CFAP299: variants seen among roughly 807,000 people sequenced by gnomAD.
The protein encoded by CFAP299 is cilia and flagella associated protein 299, also known as cilia- and flagella-associated protein 299.
CFAP299 carries 21 observed loss-of-function variants against 27.0 expected under a neutral mutation model. The ratio of observed to expected loss-of-function variants is 0.78; its 90% CI spans 0.55 to 1.12. CFAP299 has a LOEUF of 1.12. CFAP299 is among the 50% of genes most tolerant of loss of function. CFAP299 has a pLI of 0.00. For missense variants in CFAP299, 310 were observed against 276.6 expected (o/e 1.12, Z -0.86); for synonymous variants, 104 against 98.1 (o/e 1.06, Z -0.36).
chr4:80,599,226 C>T (rs1428069081), intron 3 of CFAP299, among the ~76,000 whole-genome samples: 2 of 152,272 alleles, frequency 1.3e-5, no homozygotes, highest in East Asian at 1.9e-4. Context: ...CTAATCTCTA[C>T]GTCTGTCCTT....
chr4:80,440,676 C>G (rs950485776), intron 2 of CFAP299, among the ~76,000 whole-genome samples: 2 of 152,138 alleles, frequency 1.3e-5, no homozygotes, highest in African/African-American at 2.4e-5. Context: ...AACTCCTTGC[C>G]AGCAAGGGAA....
At chr4:80,666,966 T>A (rs1741170701) in intron 3 of CFAP299, among the ~76,000 whole-genome samples, 1 of 152,214 alleles carries the variant, frequency 6.6e-6, no homozygotes, top group Non-Finnish European at 1.5e-5. Flanking sequence ...GCATCCAAAC[T>A]TGATGCTTTT....
At chr4:80,773,029 A>G (rs1286728144) in intron 3 of CFAP299, among the ~76,000 whole-genome samples, 1 of 152,192 alleles carries the variant, frequency 6.6e-6, no homozygotes, top group African/African-American at 2.4e-5. Context: ...CTATGCAGCC[A>G]TAAGAAAGAA....
chr4:80,909,244 T>C (rs761356032), intron 4 of CFAP299, among the ~76,000 whole-genome samples: 16 of 152,056 alleles, frequency 1.1e-4, no homozygotes, highest in Non-Finnish European at 1.6e-4. Context: ...CCAAACTTCA[T>C]TGACTGTCTG....
intron 3 of CFAP299, among the ~76,000 whole-genome samples, chr4:80,763,900 C>T (rs1725692133): frequency 6.6e-6 from 1 of 152,142 alleles, no homozygotes; most frequent in Non-Finnish European, 1.5e-5. Flanking sequence ...ACTAGCTAGT[C>T]ATATGCAGAA....
chr4:80,397,788 G>A (rs1284901884), intron 2 of CFAP299, among the ~76,000 whole-genome samples: 1 of 152,164 alleles, frequency 6.6e-6, no homozygotes, highest in African/African-American at 2.4e-5. Context: ...AGACAGGGAT[G>A]CCCTTTCTCA....
At chr4:80,477,868 AG>A (rs1398540200) in intron 2 of CFAP299, among the ~76,000 whole-genome samples, 2 of 152,184 alleles carry the variant, frequency 1.3e-5, no homozygotes, top group African/African-American at 4.8e-5. Context: ...GGAAAACCCC[AG>A]CTCTTTTCTC....
chr4:80,898,910 AAG>A (rs1734746748), intron 4 of CFAP299, among the ~76,000 whole-genome samples: 1 of 152,208 alleles, frequency 6.6e-6, no homozygotes, highest in Admixed American at 6.5e-5. Flanking sequence ...AGCTTCTCTA[AAG>A]AGGTAAAATT....
chr4:80,690,733 C>A (rs1366186355), intron 3 of CFAP299, among the ~76,000 whole-genome samples: 1 of 151,354 alleles, frequency 6.6e-6, no homozygotes, highest in Non-Finnish European at 1.5e-5. Flanking sequence ...AAAAACCCTT[C>A]AAAAAATTAA....
intron 3 of CFAP299, among the ~76,000 whole-genome samples, chr4:80,681,301 G>A (rs1719823574): frequency 6.6e-6 from 1 of 152,016 alleles, no homozygotes; most frequent in Non-Finnish European, 1.5e-5. Context: ...GTCTGTTAAT[G>A]TTCCATCCAT....
At chr4:80,830,904 G>A (rs1324265753) in intron 3 of CFAP299, among the ~76,000 whole-genome samples, 1 of 152,068 alleles carries the variant, frequency 6.6e-6, no homozygotes, top group Non-Finnish European at 1.5e-5. Flanking sequence ...GGCTGATCAA[G>A]GTCCAGAGAT....
chr4:80,490,541 T>C (rs901334165), intron 2 of CFAP299, among the ~76,000 whole-genome samples: 7 of 152,202 alleles, frequency 4.6e-5, no homozygotes, highest in Admixed American at 1.3e-4. Flanking sequence ...AGGTCCCACA[T>C]TATAATCTGT....
intron 3 of CFAP299, among the ~76,000 whole-genome samples, chr4:80,605,195 T>C (rs1163752493): frequency 6.6e-6 from 1 of 152,194 alleles, no homozygotes; most frequent in African/African-American, 2.4e-5. Flanking sequence ...ATTCATATTT[T>C]AGAGAGTGAG....
rs1032344146 is a variant in CFAP299, at chr4:80,934,631, A to G, written c.477-10179A>G. ...TCAAGATTCAATCTTGTTAGGTTGG[A>G]TGGTTCCAGGAATGTATCCATTTCT... is the stretch of plus-strand genomic sequence containing the variant. On this transcript the variant is annotated intron_variant, in intron 4 of 5. Coordinates refer to ENST00000358105, the MANE Select transcript of CFAP299 (RefSeq NM_152770.3). 2.0e-5 allele frequency among the ~76,000 whole-genome samples: 3 copies of G among 151,178 alleles called. No individual in the cohort carries two copies. In the East Asian group the frequency reaches 5.9e-4, roughly 30 times the overall value.
intron 3 of CFAP299, among the ~76,000 whole-genome samples, chr4:80,840,215 A>G (rs570015912): frequency 1.3e-5 from 2 of 152,280 alleles, no homozygotes; most frequent in African/African-American, 2.4e-5. Context: ...TGTAACTTGA[A>G]CTAGATGGTA....
intron 2 of CFAP299, among the ~76,000 whole-genome samples, chr4:80,485,411 G>T (rs1578499826): frequency 6.6e-6 from 1 of 151,848 alleles, no homozygotes; most frequent in African/African-American, 2.4e-5. Context: ...TGGGAAGGGG[G>T]TTGTTCTTGA....
chr4:80,944,715 T>C (rs1737380321), intron 4 of CFAP299, 95 bp from the exon 5 acceptor site: 1 of 867,606 alleles, frequency 1.2e-6, no homozygotes, highest in African/African-American at 1.7e-5. Context: ...TATCCACTTA[T>C]CTTATGACTG....
chr4:80,455,177 G>A (rs1381660176), intron 2 of CFAP299, among the ~76,000 whole-genome samples: 1 of 152,194 alleles, frequency 6.6e-6, no homozygotes, highest in Non-Finnish European at 1.5e-5. Flanking sequence ...TTCAAAGGCA[G>A]TCTGGTCCCC....
chr4:80,352,841 A>C (rs1033568582), intron 1 of CFAP299, among the ~76,000 whole-genome samples: 1 of 152,110 alleles, frequency 6.6e-6, no homozygotes, highest in African/African-American at 2.4e-5. Flanking sequence ...AAATTAAAAG[A>C]AAAATTAGAA....
Sources: gnomAD v4.1 joint callset for allele counts (sites outside exome capture counted in the v4.1 genomes callset) on GRCh38, gnomAD v4.1.1 for gene constraint, MANE v1.5 for transcripts, NCBI Gene and HGNC (gene_info 2026-07-23, HGNC 2026-07-21) for gene names.